TERT: variants seen among roughly 807,000 people sequenced by gnomAD.
TERT encodes the protein telomerase catalytic subunit.
TERT carries 42 observed loss-of-function variants against 104.0 expected under a neutral mutation model. The ratio of observed to expected loss-of-function variants is 0.40; its 90% CI spans 0.32 to 0.52. The LOEUF (loss-of-function observed/expected upper bound fraction) is 0.52. TERT is among the 20% of genes least tolerant of loss of function. The pLI, the probability that TERT is intolerant of heterozygous loss-of-function variation, is 0.43. For synonymous variants in TERT, 781 were observed against 725.6 expected (o/e 1.08, Z -1.23); for missense variants, 1,101 against 1,610.3 (o/e 0.68, Z 5.41).
intron 3 of TERT, 110 bp from the exon 4 acceptor site, chr5:1,280,448 C>T (rs1749946452): frequency 5.8e-6 from 7 of 1,209,132 alleles, no homozygotes; most frequent in Non-Finnish European, 8.2e-6. Flanking sequence ...AGGGCACCCA[C>T]GGCAGCACAC....
chr5:1,283,009 A>G (rs1310289188), intron 2 of TERT: 1 of 348,778 alleles, frequency 2.9e-6, no homozygotes, highest in Non-Finnish European at 5.5e-6. Flanking sequence ...CACCATCCGT[A>G]CACTGCACAT....
chr5:1,284,326 C>A, intron 2 of TERT, among the ~76,000 whole-genome samples: 1 of 118,876 alleles, frequency 8.4e-6, no homozygotes. Context: ...GGCCTGGCGA[C>A]CTCACCCCGG....
At position 1,282,411 on chromosome 5, in the gene TERT, G is replaced by T; in HGVS notation, c.1769+18C>A. ...CCAGGACTTCGAGAAGCAGAGGCCT[G>T]GCGTGGGGATACAGTACCTGATTCC... On this transcript the variant is annotated intron_variant, in intron 3 of 15. Transcript: ENST00000310581. 1 of 1,613,260 alleles carries T rather than the reference G, an allele frequency of 6.2e-7. No homozygotes were observed. The highest frequency in any genetic ancestry group is 1.1e-5 in the South Asian group (1 of 90,896).
rs201067706 is a variant in TERT, at chr5:1,254,477, G to A, written c.3186C>T (p.Ala1062=). Residue 1062 remains alanine, a synonymous_variant, in exon 15 of 16, where the codon GCC becomes GCT. Transcript: ENST00000310581. ...GCACGGCCTCGGAGGGCAGAGGGCC[G>A]GCGGCGCCCTTGGCCCCCAGCGACA... The part of the protein sequence containing the change: ...AGMSLGAKGA[A]GPLPSEAVQW... 47 of 1,612,720 alleles carry A rather than the reference G, an allele frequency of 2.9e-5. No individual in the cohort carries two copies. Among genetic ancestry groups the A allele is most frequent in the Admixed American group, 2.8e-4 (17 of 59,998 alleles).
intron 5 of TERT, among the ~76,000 whole-genome samples, 175 bp downstream of exon 5, chr5:1,279,116 C>T (rs1212347461): frequency 6.6e-6 from 1 of 152,210 alleles, no homozygotes; most frequent in East Asian, 1.9e-4. Flanking sequence ...CCATGTGCTG[C>T]AGGAAAGGCT....
At position 1,279,473 on chromosome 5, in the gene TERT, G is replaced by C. The variant is rs1331909978; in HGVS notation, c.1951-3C>G. ...ACCCTCGAGGTGAGACGCTCGGCCT[G>C]GCGGGGACAGCATGGGAGACAGTCA... is the stretch of plus-strand genomic sequence containing the variant. On this transcript the variant is annotated splice_region_variant and splice_polypyrimidine_tract_variant and intron_variant, in intron 4 of 15. Coordinates refer to ENST00000310581, the MANE Select transcript of TERT (RefSeq NM_198253.3). 1 of 1,548,664 alleles carries C rather than the reference G, an allele frequency of 6.5e-7. No individual in the cohort carries two copies. The highest frequency in any genetic ancestry group is 8.7e-7 in the Non-Finnish European group (1 of 1,147,208).
In TERT at chr5:1,266,478, C is replaced by G. The variant is rs754776542; in HGVS notation, c.2640G>C (p.Ala880=). Residue 880 remains alanine, a synonymous_variant, in exon 10 of 16, where the codon GCG becomes GCC. Coordinates refer to ENST00000310581, the MANE Select transcript of TERT (RefSeq NM_198253.3). ...FLLVTPHLTH[A]KTFLRTLVRG... ...ACGGGCCTCACCTGAGGAAGGTTTT[C>G]GCGTGGGTGAGGTGAGGTGTCACCA... 2 of 1,609,286 alleles carry G rather than the reference C, an allele frequency of 1.2e-6. No homozygotes were observed. The highest frequency in any genetic ancestry group is 1.7e-6 in the Non-Finnish European group (2 of 1,177,858).
In TERT at chr5:1,294,842, G is replaced by A. The variant is rs1241180227; in HGVS notation, c.148C>T (p.Leu50=). ...QRGDPAAFRA[L]VAQCLVCVPW... ...ACGCACACCAGGCACTGGGCCACCAGCGCGCGGAAAGCCGCCGGGTCCCCG... is the reference window on the plus strand; with the variant it reads ...ACGCACACCAGGCACTGGGCCACCAACGCGCGGAAAGCCGCCGGGTCCCCG... Residue 50 remains leucine, a synonymous_variant, in exon 1 of 16, where the codon CTG becomes TTG. Transcript: ENST00000310581. 6 of 1,462,506 alleles carry A rather than the reference G, an allele frequency of 4.1e-6. No homozygotes were observed. The highest frequency in any genetic ancestry group is 5.4e-6 in the Non-Finnish European group (6 of 1,116,146). 90.6% of individuals were successfully genotyped at this position (1,462,506 alleles called of 1,614,324 possible).
chr5:1,255,046 C>T lies in TERT; in HGVS notation c.3157+241G>A, dbSNP rs1286129909. 6.6e-6 allele frequency among the ~76,000 whole-genome samples: 1 copy of T among 152,184 alleles called. No homozygotes were observed. The highest frequency in any genetic ancestry group is 1.9e-4 in the East Asian group (1 of 5,186). The stretch of plus-strand genomic sequence containing the variant: ...ACAGGAGAGACCAGGCCCCCCAGCG[C>T]TTCCCCAGGCAGAGCAAGGTGGGAA... On this transcript the variant is annotated intron_variant, in intron 14 of 15. Transcript: ENST00000310581. The surrounding 1 kb of genome is among the most constrained non-coding windows in gnomAD (Gnocchi z 6.9).
In TERT at chr5:1,256,385, G is replaced by A. The variant is rs1171606550; in HGVS notation, c.3033-974C>T. ...AGGTGTGCACAGACCTGGCTACCAT[G>A]AAACAGCACATGTGCACATGTGCTC... On this transcript the variant is annotated intron_variant, in intron 13 of 15. Transcript: ENST00000310581. The surrounding 1 kb of genome is among the most constrained non-coding windows in gnomAD (Gnocchi z 7.0). Among the ~76,000 whole-genome samples, 1 of 152,026 alleles carries A rather than the reference G, an allele frequency of 6.6e-6. No individual in the cohort carries two copies. Among genetic ancestry groups the A allele is most frequent in the Non-Finnish European group, 1.5e-5 (1 of 68,006 alleles).
Position 1,265,271 on chromosome 5 carries a change from C to T in TERT, c.2655-679G>A, listed in dbSNP as rs574912173. Among the ~76,000 whole-genome samples the T allele has an allele frequency of 5.3e-5, 8 of 152,266 alleles. No individual in the cohort carries two copies. The South Asian group carries it at 1.7e-3, about 32-fold the overall frequency. On this transcript the variant is annotated intron_variant, in intron 10 of 15. Transcript: ENST00000310581. This position sits in a 1 kb window ranked among gnomAD's most constrained non-coding sequence, Gnocchi z 6.9. The stretch of plus-strand genomic sequence containing the variant: ...GGCCTCTGCTGTGGCCCCGGGCGTC[C>T]CCCTGCCCTTCCTGTGGCCTGGCCC...
Position 1,278,501 on chromosome 5 carries a change from G to A in TERT, c.2286+140C>T, listed in dbSNP as rs1432798956. On this transcript the variant is annotated intron_variant, in intron 6 of 15. Transcript: ENST00000310581. The stretch of plus-strand genomic sequence containing the variant: ...GATACATGCACCACGACACACACGT[G>A]CCACACACGCATATCACAGATGTGT... 3.3e-6 allele frequency: 4 copies of A among 1,225,272 alleles called. No homozygotes were observed. In the East Asian group the frequency reaches 9.3e-5, roughly 29 times the overall value. 75.9% of individuals were successfully genotyped at this position (1,225,272 alleles called of 1,614,324 possible).
At chr5:1,280,135 A>G in intron 4 of TERT, 23 bp downstream of exon 4, 1 of 1,613,878 alleles carries the variant, frequency 6.2e-7, no homozygotes, top group Non-Finnish European at 8.5e-7. Flanking sequence ...TTTAAAAAGG[A>G]AGTTAAACCA....
rs1748529355 is a variant in TERT at position 1,265,529 on chromosome 5, T to C, written c.2654+935A>G. On this transcript the variant is annotated intron_variant, in intron 10 of 15. Transcript: ENST00000310581. The surrounding 1 kb of genome is among the most constrained non-coding windows in gnomAD (Gnocchi z 6.9). ...AGCCTCAGGACTCCTGAGCCCTCAG[T>C]TGCTTGGGACCTGGGCTCCCCCCGA... is the stretch of plus-strand genomic sequence containing the variant. Among the ~76,000 whole-genome samples, 1 of 152,004 alleles carries C rather than the reference T, an allele frequency of 6.6e-6. No individual in the cohort carries two copies. Among genetic ancestry groups the C allele is most frequent in the South Asian group, 2.1e-4 (1 of 4,826 alleles).
At position 1,269,660 on chromosome 5, in the gene TERT, A is replaced by G. The variant is rs1015861525; in HGVS notation, c.2469-1027T>C. Reference sequence around the variant, plus strand: ...GAAAAGAGGCTTTCCTTGCTGGTGCAGATATCACAGTGATGGGCAAGAGGA... The same window carrying G: ...GAAAAGAGGCTTTCCTTGCTGGTGCGGATATCACAGTGATGGGCAAGAGGA... On this transcript the variant is annotated intron_variant, in intron 8 of 15. Transcript: ENST00000310581. This position sits in a 1 kb window ranked among gnomAD's most constrained non-coding sequence, Gnocchi z 9.0. Among the ~76,000 whole-genome samples, 1 of 152,006 alleles carries G rather than the reference A, an allele frequency of 6.6e-6. No homozygotes were observed. The highest frequency in any genetic ancestry group is 1.5e-5 in the Non-Finnish European group (1 of 68,016).
At chr5:1,280,983 T>A (rs1234932711) in intron 3 of TERT, among the ~76,000 whole-genome samples, 1 of 152,180 alleles carries the variant, frequency 6.6e-6, no homozygotes, top group East Asian at 1.9e-4. Context: ...CCGGAGCTGG[T>A]GCCCTGACCG....
intron 9 of TERT, 109 bp from the exon 10 acceptor site, chr5:1,266,644 A>G (rs1748628043): frequency 4.2e-6 from 4 of 960,934 alleles, no homozygotes; most frequent in South Asian, 2.8e-5. Context: ...ATAAAGTAAC[A>G]TTCTCCAAAG....
Position 1,263,084 on chromosome 5 carries a change from C to T in TERT, c.2843+1320G>A, listed in dbSNP as rs1748346374. On this transcript the variant is annotated intron_variant, in intron 11 of 15. Coordinates refer to ENST00000310581, the MANE Select transcript of TERT (RefSeq NM_198253.3). This position sits in a 1 kb window ranked among gnomAD's most constrained non-coding sequence, Gnocchi z 5.3. ...CCATGCACAAGGGTGTCTGCACCTG[C>T]CACTCCCCCATCATGAGGGCGTCTG... Among the ~76,000 whole-genome samples the T allele has an allele frequency of 6.6e-6, 1 of 152,170 alleles. No homozygotes were observed.
chr5:1,282,334 AG>A, intron 3 of TERT, 94 bp downstream of exon 3: 1 of 1,351,324 alleles, frequency 7.4e-7, no homozygotes, highest in Non-Finnish European at 1.1e-6. Flanking sequence ...CTGCACAGCC[AG>A]GGAAGCACAG....
Sources: gnomAD v4.1 joint callset for allele counts (sites outside exome capture counted in the v4.1 genomes callset) on GRCh38, gnomAD v4.1.1 for gene constraint, Gnocchi (gnomAD v3.1) non-coding constraint, MANE v1.5 for transcripts, NCBI Gene and HGNC (gene_info 2026-07-23, HGNC 2026-07-21) for gene names.